MISP3: variants seen among roughly 807,000 people sequenced by gnomAD.
MISP3 encodes the protein uncharacterized protein MISP3.
Under a neutral mutation model 5.5 loss-of-function variants are expected in MISP3, and 9 were observed. The ratio of observed to expected loss-of-function variants is 1.65; its 90% CI spans 0.99 to 2.87. The LOEUF is 2.87. Among genes scored for constraint, MISP3 ranks in the 30% most tolerant of loss-of-function variants. The probability of loss-of-function intolerance (pLI) is 0.00; values close to 1 mark genes in which losing one functional copy is unlikely to be tolerated. For missense variants in MISP3, 152 were observed against 84.1 expected, an observed-to-expected ratio of 1.81 and a Z score of -3.16; for synonymous variants, 87 against 38.1, an observed-to-expected ratio of 2.28 and a Z score of -4.73.
In MISP3 at chr19:14,074,094, C is replaced by T; in HGVS notation, c.568+217C>T. 5 of 595,890 alleles carry T rather than the reference C, an allele frequency of 8.4e-6. No homozygotes were observed. The highest frequency in any genetic ancestry group is 1.5e-5 in the Non-Finnish European group (5 of 334,772). The allele number at this position is 595,890 out of a possible 1,614,324, so 36.9% of individuals were successfully genotyped here. A position where few individuals can be genotyped will look rare whatever the true frequency, so the allele number is the denominator to read the frequency against. On this transcript the variant is annotated intron_variant, in intron 1 of 2. Coordinates refer to ENST00000587086, the MANE Select transcript of MISP3 (RefSeq NM_001291291.2). This position sits in a 1 kb window ranked among gnomAD's most constrained non-coding sequence, Gnocchi z 4.4. ...CACCGGGAGTGATGGACTCTCTGAT[C>T]CACACCACCCAGGCTGCGCGGGGGT...
chr19:14,074,511 A>C lies in MISP3; in HGVS notation c.642+48A>C. 1.5e-6 allele frequency: 1 copy of C among 687,940 alleles called. No individual in the cohort carries two copies. The allele number at this position is 687,940 out of a possible 1,614,324, so 42.6% of individuals were successfully genotyped here. ...GCCTCTAGCGCTTGTCGGTCCCCCC[A>C]CCCCTCCGGTGCCAGGACGCTTGGT... On this transcript the variant is annotated intron_variant, in intron 2 of 2. Transcript: ENST00000587086. The surrounding 1 kb of genome is among the most constrained non-coding windows in gnomAD (Gnocchi z 4.4).
rs773357908 is a variant in MISP3 at position 14,074,741 on chromosome 19, AC to A, written c.*23del. On this transcript the variant is annotated 3_prime_UTR_variant, in exon 3 of 3. Transcript: ENST00000587086. This position sits in a 1 kb window ranked among gnomAD's most constrained non-coding sequence, Gnocchi z 4.4. ...AACCTTGAGGTTTGAAAAGGCTGGG[AC>A]CCCCGGCCGGAAGTAACGTACGCGT... 2 of 701,248 alleles carry A rather than the reference AC, an allele frequency of 2.9e-6. No individual in the cohort carries two copies. Among genetic ancestry groups the A allele is most frequent in the African/African-American group, 1.7e-5 (1 of 57,158 alleles). 43.4% of individuals were successfully genotyped at this position (701,248 alleles called of 1,614,324 possible). A position where few individuals can be genotyped will look rare whatever the true frequency, so the allele number is the denominator to read the frequency against.
In MISP3 at chr19:14,074,234, C is replaced by CCTGGGT. The variant is rs1976649150; in HGVS notation, c.569-156_569-155insCTGGGT. The stretch of plus-strand genomic sequence containing the variant: ...GGCTCCTGCTTCTCCATTCTGGGTT[C>CCTGGGT]ACCTCCCTCCTCCCTCGGGTTCCTG... On this transcript the variant is annotated intron_variant, in intron 1 of 2. Transcript: ENST00000587086. The surrounding 1 kb of genome is among the most constrained non-coding windows in gnomAD (Gnocchi z 4.4). 3 of 607,278 alleles carry CCTGGGT rather than the reference C, an allele frequency of 4.9e-6. No homozygotes were observed. The African/African-American group carries it at 5.6e-5, about 11-fold the overall frequency. The allele number at this position is 607,278 out of a possible 1,614,324, so 37.6% of individuals were successfully genotyped here.
At position 14,073,889 on chromosome 19, in the gene MISP3, G is replaced by A. The variant is rs969073594; in HGVS notation, c.568+12G>A. On this transcript the variant is annotated intron_variant, in intron 1 of 2. Coordinates refer to ENST00000587086, the MANE Select transcript of MISP3 (RefSeq NM_001291291.2). The surrounding 1 kb of genome is among the most constrained non-coding windows in gnomAD (Gnocchi z 8.5). ...GCCGAGCCTCACCGGTAAGCCGCGGGCGTAGCAACGCCGGGACCCCCAGGG... is the reference window on the plus strand; with the variant it reads ...GCCGAGCCTCACCGGTAAGCCGCGGACGTAGCAACGCCGGGACCCCCAGGG... 2.9e-6 allele frequency: 2 copies of A among 680,834 alleles called. No individual in the cohort carries two copies. The highest frequency in any genetic ancestry group is 5.3e-6 in the Non-Finnish European group (2 of 379,858). The allele number at this position is 680,834 out of a possible 1,614,324, so 42.2% of individuals were successfully genotyped here. A position where few individuals can be genotyped will look rare whatever the true frequency, so the allele number is the denominator to read the frequency against.
Position 14,073,630 on chromosome 19 carries a change from G to C in MISP3, c.321G>C (p.Ala107=). Residue 107 remains alanine, a synonymous_variant, in exon 1 of 3, where the codon GCG becomes GCC. Coordinates refer to ENST00000587086, the MANE Select transcript of MISP3 (RefSeq NM_001291291.2). This position sits in a 1 kb window ranked among gnomAD's most constrained non-coding sequence, Gnocchi z 8.5. Reference sequence around the variant, plus strand: ...TCAAGCGCTTCTTCGAGGCCGCGGCGGGGAGCGGCTCCTCGGCGGGGGCGG... The same window carrying C: ...TCAAGCGCTTCTTCGAGGCCGCGGCCGGGAGCGGCTCCTCGGCGGGGGCGG... ...GELKRFFEAA[A]GSGSSAGAGD... The C allele has an allele frequency of 2.8e-6, 1 of 353,884 alleles. No individual in the cohort carries two copies. Among genetic ancestry groups the C allele is most frequent in the Admixed American group, 4.8e-5 (1 of 21,048 alleles). 21.9% of individuals were successfully genotyped at this position (353,884 alleles called of 1,614,324 possible). A position where few individuals can be genotyped will look rare whatever the true frequency, so the allele number is the denominator to read the frequency against.
In MISP3 at chr19:14,073,938, C is replaced by A; in HGVS notation, c.568+61C>A. ...GGTTCCAGCCGCCCCCACCGATTGC[C>A]CAACTTCAGTGGCCCCTCCTGTGGC... On this transcript the variant is annotated intron_variant, in intron 1 of 2. Coordinates refer to ENST00000587086, the MANE Select transcript of MISP3 (RefSeq NM_001291291.2). The surrounding 1 kb of genome is among the most constrained non-coding windows in gnomAD (Gnocchi z 8.5). The A allele has an allele frequency of 1.5e-6, 1 of 684,722 alleles. No homozygotes were observed. The highest frequency in any genetic ancestry group is 2.6e-6 in the Non-Finnish European group (1 of 377,412). 42.4% of individuals were successfully genotyped at this position (684,722 alleles called of 1,614,324 possible).
rs904763588 is a variant in MISP3 at position 14,074,296 on chromosome 19, C to T, written c.569-94C>T. On this transcript the variant is annotated intron_variant, in intron 1 of 2. Coordinates refer to ENST00000587086, the MANE Select transcript of MISP3 (RefSeq NM_001291291.2). This position sits in a 1 kb window ranked among gnomAD's most constrained non-coding sequence, Gnocchi z 4.4. ...TTGAATGGAGGCTTTCATGGGGAGG[C>T]GGAGGGTGAACGCCTGTGTGTGTTT... is the stretch of plus-strand genomic sequence containing the variant. 2.4e-5 allele frequency: 16 copies of T among 661,700 alleles called. No individual in the cohort carries two copies. Among genetic ancestry groups the T allele is most frequent in the Middle Eastern group, 4.8e-4 (2 of 4,130 alleles). 41.0% of individuals were successfully genotyped at this position (661,700 alleles called of 1,614,324 possible). A position where few individuals can be genotyped will look rare whatever the true frequency, so the allele number is the denominator to read the frequency against.
At position 14,073,781 on chromosome 19, in the gene MISP3, G is replaced by A. The variant is rs1976634860; in HGVS notation, c.472G>A (p.Val158Met). The A allele has an allele frequency of 1.4e-6, 1 of 700,778 alleles. No individual in the cohort carries two copies. Among genetic ancestry groups the A allele is most frequent in the Non-Finnish European group, 2.6e-6 (1 of 384,180 alleles). 43.4% of individuals were successfully genotyped at this position (700,778 alleles called of 1,614,324 possible). ...CACTCCGTCACTGCTGGAGCAGGAG[G>A]TGCGCGCCGTGCGCGAGCGCGAGCA... ...PFTPSLLEQE[V>M]RAVREREQEL... The change falls in exon 1 of 3, where the codon GTG (valine) becomes ATG (methionine). Residue 158 changes from valine to methionine, a missense_variant. Val to Met is a conservative substitution (Grantham distance 21). Coordinates refer to ENST00000587086, the MANE Select transcript of MISP3 (RefSeq NM_001291291.2). The surrounding 1 kb of genome is among the most constrained non-coding windows in gnomAD (Gnocchi z 8.5).
rs1387738325 is a variant in MISP3, at chr19:14,074,816, G to C, written c.*93G>C. The C allele has an allele frequency of 7.4e-6, 5 of 678,092 alleles. No homozygotes were observed. The highest frequency in any genetic ancestry group is 1.8e-5 in the African/African-American group (1 of 56,784). 42.0% of individuals were successfully genotyped at this position (678,092 alleles called of 1,614,324 possible). A position where few individuals can be genotyped will look rare whatever the true frequency, so the allele number is the denominator to read the frequency against. ...CTAGCATTAGGCCTGGAGAAGGGTC[G>C]GCTCTCTGCATTGGGGAAGATGAAA... On this transcript the variant is annotated 3_prime_UTR_variant, in exon 3 of 3. Transcript: ENST00000587086. This position sits in a 1 kb window ranked among gnomAD's most constrained non-coding sequence, Gnocchi z 4.4.
At position 14,074,057 on chromosome 19, in the gene MISP3, G is replaced by A; in HGVS notation, c.568+180G>A. 1.7e-6 allele frequency: 1 copy of A among 597,552 alleles called. No individual in the cohort carries two copies. The highest frequency in any genetic ancestry group is 2.0e-5 in the South Asian group (1 of 50,708). The allele number at this position is 597,552 out of a possible 1,614,324, so 37.0% of individuals were successfully genotyped here. ...CTTCTGGAGCTCCATTACTCGCTGT[G>A]ATCCACCCCTCCACCGGGAGTGATG... On this transcript the variant is annotated intron_variant, in intron 1 of 2. Transcript: ENST00000587086. The surrounding 1 kb of genome is among the most constrained non-coding windows in gnomAD (Gnocchi z 4.4).
chr19:14,074,356 C>G lies in MISP3; in HGVS notation c.569-34C>G. The stretch of plus-strand genomic sequence containing the variant: ...GGCCGGCCTTTCATCCTGGCTGCCG[C>G]CAGCTGGTGAGCTGAGCGCCCCTTC... On this transcript the variant is annotated intron_variant, in intron 1 of 2. Coordinates refer to ENST00000587086, the MANE Select transcript of MISP3 (RefSeq NM_001291291.2). The surrounding 1 kb of genome is among the most constrained non-coding windows in gnomAD (Gnocchi z 4.4). The G allele has an allele frequency of 1.4e-6, 1 of 701,588 alleles. No homozygotes were observed. Among genetic ancestry groups the G allele is most frequent in the Non-Finnish European group, 2.6e-6 (1 of 384,360 alleles). The allele number at this position is 701,588 out of a possible 1,614,324, so 43.5% of individuals were successfully genotyped here. A position where few individuals can be genotyped will look rare whatever the true frequency, so the allele number is the denominator to read the frequency against.
rs780235052 is a variant in MISP3, at chr19:14,074,301, G to C, written c.569-89G>C. 7.5e-6 allele frequency: 5 copies of C among 669,290 alleles called. No homozygotes were observed. The highest frequency in any genetic ancestry group is 1.1e-5 in the Non-Finnish European group (4 of 366,864). 41.5% of individuals were successfully genotyped at this position (669,290 alleles called of 1,614,324 possible). A position where few individuals can be genotyped will look rare whatever the true frequency, so the allele number is the denominator to read the frequency against. ...TGGAGGCTTTCATGGGGAGGCGGAGGGTGAACGCCTGTGTGTGTTTAAGGG... is the reference window on the plus strand; with the variant it reads ...TGGAGGCTTTCATGGGGAGGCGGAGCGTGAACGCCTGTGTGTGTTTAAGGG... On this transcript the variant is annotated intron_variant, in intron 1 of 2. Coordinates refer to ENST00000587086, the MANE Select transcript of MISP3 (RefSeq NM_001291291.2). This position sits in a 1 kb window ranked among gnomAD's most constrained non-coding sequence, Gnocchi z 4.4.
Position 14,073,209 on chromosome 19 carries a change from CAGGCCCTA to C in MISP3, c.-98_-91del, listed in dbSNP as rs749279139. The C allele has an allele frequency of 3.2e-4, 216 of 675,244 alleles. 1 individual carries two copies. Among genetic ancestry groups the C allele is most frequent in the Admixed American group, 4.1e-4 (20 of 49,044 alleles). 41.8% of individuals were successfully genotyped at this position (675,244 alleles called of 1,614,324 possible). A position where few individuals can be genotyped will look rare whatever the true frequency, so the allele number is the denominator to read the frequency against. On this transcript the variant is annotated 5_prime_UTR_variant, in exon 1 of 3. Coordinates refer to ENST00000587086, the MANE Select transcript of MISP3 (RefSeq NM_001291291.2). This position sits in a 1 kb window ranked among gnomAD's most constrained non-coding sequence, Gnocchi z 8.5. ...GAGGTCCAGGGGCAGCATCCCCCTC[CAGGCCCTA>C]AGACCTCCTCCTCCAGGTCAGGCTC...
In MISP3 at chr19:14,072,874, G is replaced by C; in HGVS notation, c.-436G>C. The C allele has an allele frequency of 2.4e-6, 1 of 411,312 alleles. No homozygotes were observed. The highest frequency in any genetic ancestry group is 1.7e-5 in the South Asian group (1 of 58,284). 25.5% of individuals were successfully genotyped at this position (411,312 alleles called of 1,614,324 possible). A position where few individuals can be genotyped will look rare whatever the true frequency, so the allele number is the denominator to read the frequency against. ...ATCAAAACCCCGGTTGGGAACTGAG[G>C]CTTCCGAACTGCTTCCAACCCTGGA... On this transcript the variant is annotated 5_prime_UTR_variant, in exon 1 of 3. Transcript: ENST00000587086. This position sits in a 1 kb window ranked among gnomAD's most constrained non-coding sequence, Gnocchi z 6.8.
In MISP3 at chr19:14,073,340, CG is replaced by C. The variant is rs1212412228; in HGVS notation, c.32del (p.Arg11ProfsTer15). 2.9e-6 allele frequency: 2 copies of C among 699,718 alleles called. No homozygotes were observed. The highest frequency in any genetic ancestry group is 5.2e-6 in the Non-Finnish European group (2 of 383,170). The allele number at this position is 699,718 out of a possible 1,614,324, so 43.3% of individuals were successfully genotyped here. On this transcript the variant is annotated frameshift_variant, in exon 1 of 3. Transcript: ENST00000587086. LOFTEE classifies it high-confidence loss of function. The surrounding 1 kb of genome is among the most constrained non-coding windows in gnomAD (Gnocchi z 8.5). ...GACGCCCATCGAGCGCGAAATCCGC[CG>C]CAGCTGCGAACGCGAGGAGAGCCTG... METPIEREIR[R>X]SCEREESLRR...
Position 14,074,875 on chromosome 19 carries a change from C to T in MISP3, c.*152C>T. ...CCTTTGTGAAATTGACCAGCCCCCT[C>T]TATAAAACTTACAGTCCCCCATTGG... On this transcript the variant is annotated 3_prime_UTR_variant, in exon 3 of 3. Transcript: ENST00000587086. The surrounding 1 kb of genome is among the most constrained non-coding windows in gnomAD (Gnocchi z 4.4). 3 of 629,186 alleles carry T rather than the reference C, an allele frequency of 4.8e-6. No homozygotes were observed. The highest frequency in any genetic ancestry group is 1.7e-5 in the South Asian group (1 of 59,594). 39.0% of individuals were successfully genotyped at this position (629,186 alleles called of 1,614,324 possible).
At position 14,073,756 on chromosome 19, in the gene MISP3, C is replaced by G; in HGVS notation, c.447C>G (p.Phe149Leu). 2.9e-6 allele frequency: 2 copies of G among 695,076 alleles called. No individual in the cohort carries two copies. The highest frequency in any genetic ancestry group is 5.2e-6 in the Non-Finnish European group (2 of 381,780). The allele number at this position is 695,076 out of a possible 1,614,324, so 43.1% of individuals were successfully genotyped here. The change falls in exon 1 of 3, where the codon TTC becomes TTG. Residue 149 changes from phenylalanine to leucine, a missense_variant. Coordinates refer to ENST00000587086, the MANE Select transcript of MISP3 (RefSeq NM_001291291.2). The surrounding 1 kb of genome is among the most constrained non-coding windows in gnomAD (Gnocchi z 8.5). ...CRVLGSAPPP[F>L]TPSLLEQEVR... ...TGCTGGGCAGCGCCCCGCCGCCTTTCACTCCGTCACTGCTGGAGCAGGAGG... is the reference window on the plus strand; with the variant it reads ...TGCTGGGCAGCGCCCCGCCGCCTTTGACTCCGTCACTGCTGGAGCAGGAGG...
At position 14,072,846 on chromosome 19, in the gene MISP3, G is replaced by C. The variant is rs531364781; in HGVS notation, c.-464G>C. ...CACAGTGCCCTCTGTCCTCGCTCTGGGAATCAAAACCCCGGTTGGGAACTG... is the reference window on the plus strand; with the variant it reads ...CACAGTGCCCTCTGTCCTCGCTCTGCGAATCAAAACCCCGGTTGGGAACTG... On this transcript the variant is annotated 5_prime_UTR_variant, in exon 1 of 3. Coordinates refer to ENST00000587086, the MANE Select transcript of MISP3 (RefSeq NM_001291291.2). This position sits in a 1 kb window ranked among gnomAD's most constrained non-coding sequence, Gnocchi z 6.8. 1.0e-5 allele frequency: 4 copies of C among 382,006 alleles called. No homozygotes were observed. Among genetic ancestry groups the C allele is most frequent in the Non-Finnish European group, 2.1e-5 (4 of 193,808 alleles). The allele number at this position is 382,006 out of a possible 1,614,324, so 23.7% of individuals were successfully genotyped here. A position where few individuals can be genotyped will look rare whatever the true frequency, so the allele number is the denominator to read the frequency against.
At position 14,073,121 on chromosome 19, in the gene MISP3, G is replaced by A; in HGVS notation, c.-189G>A. On this transcript the variant is annotated 5_prime_UTR_variant, in exon 1 of 3. Transcript: ENST00000587086. This position sits in a 1 kb window ranked among gnomAD's most constrained non-coding sequence, Gnocchi z 8.5. Reference sequence around the variant, plus strand: ...AGAGAGCCCCGGGCTGTCCACAGCTGCGGGCTTTGAGAGTCCTGAGCCAGG... The same window carrying A: ...AGAGAGCCCCGGGCTGTCCACAGCTACGGGCTTTGAGAGTCCTGAGCCAGG... 1.5e-6 allele frequency: 1 copy of A among 659,282 alleles called. No individual in the cohort carries two copies. Among genetic ancestry groups the A allele is most frequent in the Non-Finnish European group, 2.8e-6 (1 of 357,082 alleles). 40.8% of individuals were successfully genotyped at this position (659,282 alleles called of 1,614,324 possible).
Sources: gnomAD v4.1 joint callset for allele counts on GRCh38, gnomAD v4.1.1 for gene constraint, Gnocchi (gnomAD v3.1) non-coding constraint, MANE v1.5 for transcripts, NCBI Gene and HGNC (gene_info 2026-07-23, HGNC 2026-07-21) for gene names.